The following ZFHX3 variants were observed in gnomAD, a reference collection of about 807,000 sequenced individuals.
ZFHX3 encodes zinc finger homeobox protein 3.
In ZFHX3, 42 loss-of-function variants were observed where a neutral mutation model predicts 279.1. The ratio of observed to expected loss-of-function variants is 0.15; its 90% CI spans 0.12 to 0.19. The LOEUF (loss-of-function observed/expected upper bound fraction) is 0.19, where lower values mean the gene tolerates loss of function less well. Among genes scored for constraint, ZFHX3 ranks in the 10% least tolerant of loss-of-function variants. The pLI is 1.00. For synonymous variants in ZFHX3, 2,293 were observed against 1,957.8 expected (o/e 1.17, Z -4.52); for missense variants, 4,981 against 4,754.0 (o/e 1.05, Z -1.40).
intron 3 of ZFHX3, among the ~76,000 whole-genome samples, chr16:72,898,746 CAAAA>C (rs34647860): frequency 2.3e-5 from 3 of 128,156 alleles, no homozygotes; most frequent in Non-Finnish European, 1.7e-5. Context: ...AACCCTGTCT[CAAAA>C]AAAAAAAAAA....
intron 1 of ZFHX3, among the ~76,000 whole-genome samples, chr16:73,711,666 C>G (rs1003372263): frequency 6.6e-6 from 1 of 152,174 alleles, no homozygotes; most frequent in African/African-American, 2.4e-5. Context: ...AAAGCAAGTA[C>G]AGCAGACACA....
intron 3 of ZFHX3, among the ~76,000 whole-genome samples, chr16:73,345,553 C>A (rs932903842): frequency 3.3e-5 from 5 of 152,104 alleles, no homozygotes; most frequent in Non-Finnish European, 7.3e-5. Flanking sequence ...CATCCATGTC[C>A]CTGCGAGGAC....
Position 72,798,755 on chromosome 16 carries a change from A to C in ZFHX3, c.3968-41T>G, listed in dbSNP as rs767164803. ...AAAAAATCAAACCCAAAGATAAAGA[A>C]GGCTTTGTTTCAAGGATGGCACCCA... On this transcript the variant is annotated intron_variant, in intron 8 of 9. Coordinates refer to ENST00000268489, the MANE Select transcript of ZFHX3 (RefSeq NM_006885.4). 4.0e-6 allele frequency: 6 copies of C among 1,509,228 alleles called. No individual in the cohort carries two copies. In the East Asian group the frequency reaches 9.1e-5, roughly 23 times the overall value. The allele number at this position is 1,509,228 out of a possible 1,614,324, so 93.5% of individuals were successfully genotyped here.
chr16:72,960,787 G>T (rs1961541066), intron 1 of ZFHX3, among the ~76,000 whole-genome samples: 1 of 152,162 alleles, frequency 6.6e-6, no homozygotes, highest in South Asian at 2.1e-4. Flanking sequence ...GTTCAAAGAA[G>T]GCGGGTGAGG....
rs7499234 is a variant in ZFHX3, at chr16:73,494,741, T to A, written c.-1546-38483A>T. Among the ~76,000 whole-genome samples the A allele has an allele frequency of 9.8e-3, 1,411 of 143,772 alleles. 20 individuals carry two copies. The highest frequency in any genetic ancestry group is 0.034 in the African/African-American group (1,274 of 37,984). 94.3% of individuals were successfully genotyped at this position (143,772 alleles called of 152,430 possible). On this transcript the variant is annotated intron_variant, in intron 2 of 17. Coordinates refer to the ZFHX3 transcript ENST00000641206. ...TGACCGGCTAATTTTTTTTTTTTTT[T>A]ATTTTTAGCAGAGATGGGGTTTCTC... is the stretch of plus-strand genomic sequence containing the variant.
At chr16:72,843,329 T>C (rs1597300193) in intron 4 of ZFHX3, among the ~76,000 whole-genome samples, 1 of 151,752 alleles carries the variant, frequency 6.6e-6, no homozygotes, top group East Asian at 1.9e-4. Context: ...GCTAACACGG[T>C]GAAACCCCGT....
intron 3 of ZFHX3, among the ~76,000 whole-genome samples, chr16:72,910,317 A>G (rs2039286842): frequency 6.6e-6 from 1 of 152,232 alleles, no homozygotes; most frequent in Non-Finnish European, 1.5e-5. Context: ...TGAGAAGGTG[A>G]AAAATCAGGT....
intron 3 of ZFHX3, among the ~76,000 whole-genome samples, chr16:73,433,221 C>T (rs2017939913): frequency 6.6e-6 from 1 of 152,174 alleles, no homozygotes; most frequent in South Asian, 2.1e-4. Context: ...GCGGCATGTC[C>T]CCTGCAAGAG....
intron 2 of ZFHX3, among the ~76,000 whole-genome samples, chr16:73,470,592 C>A (rs7192943): frequency 6.6e-6 from 1 of 151,986 alleles, no homozygotes; most frequent in African/African-American, 2.4e-5. Context: ...CTTCGTCCCC[C>A]ACACCCCAAA....
chr16:73,504,818 G>C (rs904216851), intron 2 of ZFHX3: 2 of 152,298 alleles, frequency 1.3e-5, no homozygotes, highest in South Asian at 2.1e-4. Context: ...TGGTTGGGGG[G>C]GCGGTGGGGA....
chr16:73,326,142 G>T (rs980812781), intron 3 of ZFHX3, among the ~76,000 whole-genome samples: 1 of 152,166 alleles, frequency 6.6e-6, no homozygotes, highest in Non-Finnish European at 1.5e-5. Flanking sequence ...TGGTCTCAGG[G>T]TCTGCAGTAT....
intron 3 of ZFHX3, among the ~76,000 whole-genome samples, chr16:72,912,219 C>T (rs1028312173): frequency 9.2e-5 from 14 of 152,144 alleles, no homozygotes; most frequent in African/African-American, 2.2e-4. Context: ...GCTCAGGTGC[C>T]GCTGGGAGCA....
chr16:73,182,315 A>G (rs373655878), intron 5 of ZFHX3, among the ~76,000 whole-genome samples: 57 of 152,114 alleles, frequency 3.7e-4, no homozygotes, highest in African/African-American at 1.3e-3. Flanking sequence ...AACTTAGCTG[A>G]GTGTGGTGGC....
chr16:73,742,925 A>C (rs1453084102), intron 1 of ZFHX3, among the ~76,000 whole-genome samples: 1 of 152,242 alleles, frequency 6.6e-6, no homozygotes, highest in East Asian at 1.9e-4. Flanking sequence ...AAATGGAAAA[A>C]GTTGTCATTA....
intron 1 of ZFHX3, among the ~76,000 whole-genome samples, chr16:73,726,519 A>C (rs1297077210): frequency 1.3e-5 from 2 of 152,170 alleles, no homozygotes; most frequent in Non-Finnish European, 2.9e-5. Context: ...TTCTTGCATC[A>C]CCATAAATAA....
chr16:73,651,408 T>A (rs560329172), intron 2 of ZFHX3, among the ~76,000 whole-genome samples: 1 of 152,118 alleles, frequency 6.6e-6, no homozygotes, highest in East Asian at 1.9e-4. Context: ...GTCCACAGGT[T>A]CAGTTTGAGA....
At chr16:73,719,407 T>C (rs2053451612) in intron 1 of ZFHX3, among the ~76,000 whole-genome samples, 1 of 152,186 alleles carries the variant, frequency 6.6e-6, no homozygotes, top group South Asian at 2.1e-4. Flanking sequence ...AATTTGGCTT[T>C]TGATAAATGT....
At chr16:73,418,170 A>C (rs192198978) in intron 3 of ZFHX3, among the ~76,000 whole-genome samples, 3 of 152,292 alleles carry the variant, frequency 2.0e-5, no homozygotes, top group African/African-American at 7.2e-5. Context: ...GTTAATCAGA[A>C]CTTGTACGTT....
intron 5 of ZFHX3, among the ~76,000 whole-genome samples, chr16:73,222,809 C>T (rs893431761): frequency 1.3e-5 from 2 of 152,002 alleles, no homozygotes; most frequent in Admixed American, 6.6e-5. Flanking sequence ...TACTAGCCAA[C>T]GTCAAGACTT....
Sources: allele counts gnomAD v4.1 joint callset (sites outside exome capture counted in the v4.1 genomes callset), GRCh38; gene constraint gnomAD v4.1.1; transcripts MANE v1.5; gene names NCBI Gene and HGNC (gene_info 2026-07-23, HGNC 2026-07-21).